Variants in PPM1H observed in about 807,000 individuals in gnomAD.
PPM1H encodes protein phosphatase, Mg2+/Mn2+ dependent 1H.
PPM1H carries 27 observed loss-of-function variants against 54.9 expected under a neutral mutation model. The ratio of observed to expected loss-of-function variants is 0.49; its 90% CI spans 0.36 to 0.68. The LOEUF (loss-of-function observed/expected upper bound fraction) is 0.68, where lower values mean the gene tolerates loss of function less well. PPM1H is among the 30% of genes least tolerant of loss of function. PPM1H has a pLI of 0.00. For synonymous variants in PPM1H, 305 were observed against 270.8 expected (o/e 1.13, Z -1.24); for missense variants, 596 against 667.8 (o/e 0.89, Z 1.19).
rs11174671 is a variant in PPM1H, at chr12:62,815,328, T to C, written c.412-13168A>G. Among the ~76,000 whole-genome samples, 316 of 152,328 alleles carry C rather than the reference T, an allele frequency of 2.1e-3. 11 individuals are homozygous for C. The East Asian group carries it at 0.052, about 25-fold the overall frequency. Reference sequence around the variant, plus strand: ...TTGCAGGTTTCTTTGGTTCAATTCCTCCAACATAATGAGGCAGTAAGGTGC... The same window carrying C: ...TTGCAGGTTTCTTTGGTTCAATTCCCCCAACATAATGAGGCAGTAAGGTGC... On this transcript the variant is annotated intron_variant, in intron 2 of 9. Transcript: ENST00000228705.
At chr12:62,661,593 C>T (rs556962106) in intron 9 of PPM1H, among the ~76,000 whole-genome samples, 12 of 152,262 alleles carry the variant, frequency 7.9e-5, no homozygotes, top group African/African-American at 2.2e-4. Context: ...GACGGGGTTT[C>T]GCCATATTGG....
chr12:62,715,367 G>A (rs2077367), intron 6 of PPM1H, among the ~76,000 whole-genome samples: 16,609 of 151,838 alleles, frequency 0.11, 1,190 homozygotes, highest in African/African-American at 0.19. Context: ...GACTCCATCA[G>A]GAATGAACTC....
At chr12:62,658,161 C>G (rs572577527) in intron 9 of PPM1H, among the ~76,000 whole-genome samples, 1 of 145,488 alleles carries the variant, frequency 6.9e-6, no homozygotes, top group East Asian at 2.0e-4. Context: ...TTGCTTGAGA[C>G]CAGCCTGGGT....
chr12:62,842,118 G>A (rs970165588), intron 1 of PPM1H, among the ~76,000 whole-genome samples: 5 of 152,172 alleles, frequency 3.3e-5, no homozygotes, highest in East Asian at 3.9e-4. Context: ...CAAAATAAAC[G>A]CCAATCCAAA....
intron 4 of PPM1H, among the ~76,000 whole-genome samples, chr12:62,741,640 C>T (rs2076381327): frequency 1.3e-5 from 2 of 152,166 alleles, no homozygotes; most frequent in Admixed American, 1.3e-4. Flanking sequence ...CTCTGTGACC[C>T]CGTGGTGTCT....
chr12:62,822,696 G>A (rs951470902), intron 2 of PPM1H, among the ~76,000 whole-genome samples: 8 of 152,084 alleles, frequency 5.3e-5, no homozygotes, highest in African/African-American at 9.7e-5. Context: ...TGAAACCAAC[G>A]AGAACAAAGA....
intron 4 of PPM1H, among the ~76,000 whole-genome samples, chr12:62,743,698 A>G (rs759533901): frequency 6.6e-6 from 1 of 152,038 alleles, no homozygotes; most frequent in Non-Finnish European, 1.5e-5. Flanking sequence ...GCCAACAGGT[A>G]TTTAACAAAC....
Position 62,934,729 on chromosome 12 carries a change from G to T in PPM1H, c.8C>A (p.Thr3Asn). The T allele has an allele frequency of 6.3e-7, 1 of 1,594,410 alleles. No individual in the cohort carries two copies. Among genetic ancestry groups the T allele is most frequent in the Non-Finnish European group, 8.6e-7 (1 of 1,168,728 alleles). Residue 3 changes from threonine (T) to asparagine (N), a missense_variant, in exon 1 of 10, where the codon ACT (threonine) becomes AAT (asparagine). Thr to Asn is a moderately conservative substitution (Grantham distance 65, BLOSUM62 0). Around this residue, in one of 3 missense-constraint regions of PPM1H, gnomAD observed 382 missense variants for 387.1 expected, o/e 0.99. Transcript: ENST00000228705. This position sits in a 1 kb window ranked among gnomAD's most constrained non-coding sequence, Gnocchi z 4.2. ML[T>N]RVKSAVANFM... ...ATTGGCCACGGCAGATTTCACTCGA[G>T]TGAGCATATTACTCCGGCGCCCGGC...
intron 1 of PPM1H, among the ~76,000 whole-genome samples, chr12:62,908,171 T>C (rs1871355329): frequency 2.0e-5 from 3 of 152,066 alleles, no homozygotes; most frequent in Admixed American, 1.3e-4. Flanking sequence ...CCCAGCACTT[T>C]GGGAAGCCGA....
chr12:62,773,188 A>T (rs1411409853), intron 4 of PPM1H, among the ~76,000 whole-genome samples: 1 of 152,138 alleles, frequency 6.6e-6, no homozygotes, highest in African/African-American at 2.4e-5. Flanking sequence ...ACACAAAGGC[A>T]TGAAGCCTGG....
chr12:62,756,022 T>C, intron 4 of PPM1H: 1 of 1,416,154 alleles, frequency 7.1e-7, no homozygotes, highest in Admixed American at 1.7e-5. Flanking sequence ...GAAGCAGGCG[T>C]CCGAGACCCC....
rs1310810782 is a variant in PPM1H, at chr12:62,652,709, G to A, written c.1398-4073C>T. Among the ~76,000 whole-genome samples the A allele has an allele frequency of 3.9e-5, 6 of 152,086 alleles. No homozygotes were observed. In the East Asian group the frequency reaches 1.2e-3, roughly 29 times the overall value. ...TATTTCTGTCCTCCTGAAAATAAAA[G>A]GACCTTAGAATGCCTTCTTTCATTT... is the stretch of plus-strand genomic sequence containing the variant. On this transcript the variant is annotated intron_variant, in intron 9 of 9. Transcript: ENST00000228705.
chr12:62,716,227 C>A (rs1410906458), intron 6 of PPM1H, among the ~76,000 whole-genome samples: 6 of 152,170 alleles, frequency 3.9e-5, no homozygotes, highest in Non-Finnish European at 7.3e-5. Context: ...TTAGTAAGCA[C>A]CACACACTCT....
At chr12:62,681,473 C>G (rs2076018808) in intron 8 of PPM1H, among the ~76,000 whole-genome samples, 1 of 152,140 alleles carries the variant, frequency 6.6e-6, no homozygotes, top group Non-Finnish European at 1.5e-5. Context: ...TTGCTGAAGA[C>G]CTTATCTACT....
At chr12:62,725,417 A>G (rs2076284736) in intron 5 of PPM1H, among the ~76,000 whole-genome samples, 1 of 152,216 alleles carries the variant, frequency 6.6e-6, no homozygotes. Context: ...TCCAGAGGAA[A>G]GAAACATCTT....
At chr12:62,805,287 A>G (rs1323322539) in intron 2 of PPM1H, among the ~76,000 whole-genome samples, 7 of 152,242 alleles carry the variant, frequency 4.6e-5, no homozygotes, top group Admixed American at 4.6e-4. Context: ...CAGCCATTAC[A>G]GAAAACAGTA....
intron 9 of PPM1H, chr12:62,659,248 T>G: frequency 4.3e-6 from 1 of 234,384 alleles, no homozygotes; most frequent in Non-Finnish European, 8.4e-6. Context: ...CACATTGTGT[T>G]CTAAAAAACC....
At chr12:62,822,223 G>A (rs2076907927) in intron 2 of PPM1H, among the ~76,000 whole-genome samples, 1 of 152,158 alleles carries the variant, frequency 6.6e-6, no homozygotes. Flanking sequence ...AAATATATAT[G>A]CACCCAATAC....
intron 1 of PPM1H, among the ~76,000 whole-genome samples, chr12:62,901,302 C>A (rs917798639): frequency 1.3e-5 from 2 of 152,178 alleles, no homozygotes; most frequent in Non-Finnish European, 2.9e-5. Flanking sequence ...TATCATCAAC[C>A]AAATCCAATT....
Sources: gnomAD v4.1 joint callset for allele counts (sites outside exome capture counted in the v4.1 genomes callset) on GRCh38, gnomAD v4.1.1 for gene constraint, gnomAD v4.1.1 regional missense constraint, Gnocchi (gnomAD v3.1) non-coding constraint, MANE v1.5 for transcripts, NCBI Gene and HGNC (gene_info 2026-07-23, HGNC 2026-07-21) for gene names.